The following LEKR1 variants were observed in gnomAD, a reference collection of about 807,000 sequenced individuals.
LEKR1 encodes protein LEKR1.
A neutral mutation model predicts 72.4 loss-of-function variants in LEKR1; 59 were observed. The observed-to-expected ratio is 0.82, with a 90% CI of 0.66 to 1.01. The LOEUF is 1.01. Ranked by LOEUF, LEKR1 falls within the 50% of genes least tolerant of loss-of-function variation. The pLI is 0.00. For missense variants in LEKR1, 728 were observed against 759.2 expected (o/e 0.96, Z 0.48); for synonymous variants, 257 against 263.2 (o/e 0.98, Z 0.23).
chr3:156,967,011 C>T (rs1025610300), intron 6 of LEKR1, among the ~76,000 whole-genome samples: 66 of 152,322 alleles, frequency 4.3e-4, no homozygotes, highest in Admixed American at 2.4e-3. Context: ...GATACCCAGG[C>T]AAACAGGGTC....
intron 3 of LEKR1, among the ~76,000 whole-genome samples, chr3:156,886,363 C>T (rs1328326741): frequency 6.6e-6 from 1 of 152,128 alleles, no homozygotes; most frequent in Non-Finnish European, 1.5e-5. Context: ...GCATGGCTTT[C>T]AAACCTTGCC....
chr3:156,939,748 CAA>C (rs1200239213), intron 5 of LEKR1, among the ~76,000 whole-genome samples: 6 of 151,918 alleles, frequency 3.9e-5, no homozygotes, highest in Non-Finnish European at 8.8e-5. Flanking sequence ...TTTTCTTAAA[CAA>C]GAGCATACTT....
At chr3:156,910,838 T>C (rs1723040726) in intron 3 of LEKR1, among the ~76,000 whole-genome samples, 1 of 152,222 alleles carries the variant, frequency 6.6e-6, no homozygotes, top group South Asian at 2.1e-4. Flanking sequence ...TTTATTTTCC[T>C]TTGGGTATAT....
intron 2 of LEKR1, among the ~76,000 whole-genome samples, chr3:156,845,227 T>C (rs1487502481): frequency 6.6e-6 from 1 of 152,022 alleles, no homozygotes. Context: ...AAATTCTTTA[T>C]ATAATCTAGG....
At chr3:156,931,482 T>C (rs1170806056) in intron 5 of LEKR1, among the ~76,000 whole-genome samples, 1 of 152,130 alleles carries the variant, frequency 6.6e-6, no homozygotes, top group East Asian at 1.9e-4. Flanking sequence ...TCCCTGAAAT[T>C]CCACCCTTTG....
chr3:156,943,560 C>T (rs1048206331), intron 6 of LEKR1, among the ~76,000 whole-genome samples: 2 of 151,804 alleles, frequency 1.3e-5, no homozygotes, highest in African/African-American at 4.8e-5. Flanking sequence ...AAAAGCAAAA[C>T]CGGTTGGACT....
intron 7 of LEKR1, among the ~76,000 whole-genome samples, chr3:156,983,569 C>A (rs1431485429): frequency 6.6e-6 from 1 of 152,090 alleles, no homozygotes; most frequent in Non-Finnish European, 1.5e-5. Context: ...TCCAGTGAAA[C>A]CCACTCTGAG....
intron 6 of LEKR1, among the ~76,000 whole-genome samples, chr3:156,950,240 C>T (rs1382669412): frequency 2.0e-5 from 3 of 151,370 alleles, no homozygotes; most frequent in Non-Finnish European, 3.0e-5. Flanking sequence ...ATTACTACAG[C>T]CTGGTAGTAT....
chr3:156,993,330 C>T (rs185247353), intron 9 of LEKR1, 53 bp downstream of exon 9: 158 of 1,186,886 alleles, frequency 1.3e-4, no homozygotes, highest in Non-Finnish European at 3.7e-5. Flanking sequence ...AGTTAGTATT[C>T]CATATATATT....
intron 2 of LEKR1, among the ~76,000 whole-genome samples, chr3:156,851,589 T>C (rs1715371510): frequency 1.3e-5 from 2 of 152,198 alleles, no homozygotes; most frequent in African/African-American, 2.4e-5. Flanking sequence ...TAATCATTAA[T>C]CTATATCCCA....
intron 2 of LEKR1, among the ~76,000 whole-genome samples, chr3:156,837,025 A>G (rs577323883): frequency 1.6e-4 from 25 of 152,228 alleles, no homozygotes; most frequent in Non-Finnish European, 3.7e-4. Flanking sequence ...GACATTATTC[A>G]TCCTTTTTAA....
chr3:157,044,142 A>C (rs908886763), intron 12 of LEKR1, among the ~76,000 whole-genome samples: 28 of 152,350 alleles, frequency 1.8e-4, no homozygotes, highest in African/African-American at 6.5e-4. Context: ...TAAGAAGCAG[A>C]CTTGGGAATG....
At chr3:157,029,850 CTATT>C (rs1008760512) in intron 12 of LEKR1, among the ~76,000 whole-genome samples, 1 of 152,072 alleles carries the variant, frequency 6.6e-6, no homozygotes, top group Non-Finnish European at 1.5e-5. Context: ...GGTTTTCTAA[CTATT>C]CATTCACAAA....
At chr3:156,836,445 A>G (rs894286746) in intron 2 of LEKR1, among the ~76,000 whole-genome samples, 1 of 152,350 alleles carries the variant, frequency 6.6e-6, no homozygotes, top group Non-Finnish European at 1.5e-5. Flanking sequence ...AGATCCAAGA[A>G]GAGAAAAGGC....
At chr3:156,901,646 T>C (rs1226802210) in intron 3 of LEKR1, among the ~76,000 whole-genome samples, 2 of 152,164 alleles carry the variant, frequency 1.3e-5, no homozygotes, top group African/African-American at 4.8e-5. Context: ...CATCTAAAAA[T>C]GGAAGAATGG....
rs532712567 is a variant in LEKR1 at position 157,045,831 on chromosome 3, A to G, written c.*81A>G. The G allele has an allele frequency of 2.4e-5, 29 of 1,227,544 alleles. No individual in the cohort carries two copies. The East Asian group carries it at 6.4e-4, about 27-fold the overall frequency. 76.0% of individuals were successfully genotyped at this position (1,227,544 alleles called of 1,614,324 possible). A position where few individuals can be genotyped will look rare whatever the true frequency, so the allele number is the denominator to read the frequency against. On this transcript the variant is annotated 3_prime_UTR_variant, in exon 13 of 13. Transcript: ENST00000356539. ...CAGGAATTCACTGTAACTGAGAATG[A>G]CAATGATAAAATTATTTTCACAGAT... is the stretch of plus-strand genomic sequence containing the variant.
intron 6 of LEKR1, among the ~76,000 whole-genome samples, chr3:156,971,851 G>A (rs1729227555): frequency 1.3e-5 from 2 of 152,208 alleles, no homozygotes; most frequent in African/African-American, 2.4e-5. Context: ...ACAGGTGCTG[G>A]AGAGGATGTA....
intron 6 of LEKR1, among the ~76,000 whole-genome samples, chr3:156,956,994 A>G (rs1257087368): frequency 6.6e-6 from 1 of 151,990 alleles, no homozygotes; most frequent in South Asian, 2.1e-4. Flanking sequence ...GTTTTCCTTC[A>G]TTTGGTGACA....
intron 3 of LEKR1, among the ~76,000 whole-genome samples, chr3:156,917,859 T>C (rs1723797426): frequency 2.0e-5 from 3 of 152,074 alleles, no homozygotes; most frequent in Admixed American, 2.0e-4. Context: ...AGTCTTATGA[T>C]GACAGCTGTG....
Sources: allele counts gnomAD v4.1 joint callset (sites outside exome capture counted in the v4.1 genomes callset), GRCh38; gene constraint gnomAD v4.1.1; transcripts MANE v1.5; gene names NCBI Gene and HGNC (gene_info 2026-07-23, HGNC 2026-07-21).